Variants in ITPR2 observed in about 807,000 individuals in gnomAD.
ITPR2 encodes the protein inositol 1,4,5-trisphosphate receptor type 2.
Under a neutral mutation model 317.1 loss-of-function variants are expected in ITPR2, and 207 were observed. That is an observed-to-expected ratio of 0.65 (90% confidence interval 0.58 to 0.73). The LOEUF (loss-of-function observed/expected upper bound fraction) is 0.73, where lower values mean the gene tolerates loss of function less well. Among genes scored for constraint, ITPR2 ranks in the 30% least tolerant of loss-of-function variants. ITPR2 has a pLI of 0.00. For synonymous variants in ITPR2, 1,156 were observed against 1,149.1 expected, an observed-to-expected ratio of 1.01 and a Z score of -0.12; for missense variants, 2,613 against 3,284.0, an observed-to-expected ratio of 0.80 and a Z score of 4.99.
chr12:26,453,729 C>A (rs901996673), intron 45 of ITPR2, among the ~76,000 whole-genome samples: 9 of 152,338 alleles, frequency 5.9e-5, no homozygotes, highest in African/African-American at 2.2e-4. Context: ...CTTCTTCCAG[C>A]ATCCAGAAAT....
At chr12:26,390,246 T>A (rs1350291450) in intron 54 of ITPR2, among the ~76,000 whole-genome samples, 2 of 152,188 alleles carry the variant, frequency 1.3e-5, no homozygotes, top group African/African-American at 2.4e-5. Context: ...TAACTAAGCA[T>A]AACCCACTCC....
At chr12:26,443,324 AAT>A in intron 46 of ITPR2, among the ~76,000 whole-genome samples, 1 of 151,658 alleles carries the variant, frequency 6.6e-6, no homozygotes, top group South Asian at 2.1e-4. Flanking sequence ...TACAAAAAAA[AAT>A]TTTACATATA....
At chr12:26,826,026 A>C (rs768517305) in intron 1 of ITPR2, among the ~76,000 whole-genome samples, 2 of 152,212 alleles carry the variant, frequency 1.3e-5, no homozygotes, top group Non-Finnish European at 2.9e-5. Context: ...TTCTGTTTGG[A>C]AGATACTAAA....
chr12:26,604,926 A>G (rs568009910), intron 26 of ITPR2, among the ~76,000 whole-genome samples: 4 of 151,910 alleles, frequency 2.6e-5, no homozygotes, highest in South Asian at 4.2e-4. Flanking sequence ...CATCTCTACT[A>G]AAAATACAAA....
At chr12:26,702,406 G>C (rs1380371931) in intron 9 of ITPR2, among the ~76,000 whole-genome samples, 18 of 100,108 alleles carry the variant, frequency 1.8e-4, no homozygotes, top group African/African-American at 6.4e-4. Flanking sequence ...TGGGGGCGGG[G>C]GTGGGGGGTT....
At chr12:26,608,384 T>G (rs1229853919) in intron 26 of ITPR2, among the ~76,000 whole-genome samples, 1 of 152,202 alleles carries the variant, frequency 6.6e-6, no homozygotes, top group Non-Finnish European at 1.5e-5. Context: ...AGGAACCTAG[T>G]GAGGAGCGCC....
intron 11 of ITPR2, 118 bp from the exon 12 acceptor site, chr12:26,682,791 T>G (rs1565689792): frequency 6.4e-6 from 4 of 622,304 alleles, no homozygotes; most frequent in African/African-American, 3.7e-5. Flanking sequence ...AGTAATTGAC[T>G]CAAGATCCCT....
At chr12:26,573,796 G>A (rs1269033053) in intron 34 of ITPR2, among the ~76,000 whole-genome samples, 1 of 152,174 alleles carries the variant, frequency 6.6e-6, no homozygotes, top group Non-Finnish European at 1.5e-5. Context: ...GAGATGGAGG[G>A]TGATGGGAAA....
chr12:26,350,338 G>A (rs375520336), intron 55 of ITPR2, among the ~76,000 whole-genome samples: 16 of 152,300 alleles, frequency 1.1e-4, no homozygotes, highest in East Asian at 3.9e-4. Context: ...CAGACCAGCG[G>A]GGGAGTTGGT....
chr12:26,603,221 G>A (rs890864128), intron 26 of ITPR2, among the ~76,000 whole-genome samples: 26 of 151,974 alleles, frequency 1.7e-4, no homozygotes, highest in African/African-American at 3.6e-4. Context: ...TAAGAGTCAC[G>A]ACTCCGGGCC....
chr12:26,661,324 G>T (rs2136916089), intron 15 of ITPR2, among the ~76,000 whole-genome samples: 1 of 149,300 alleles, frequency 6.7e-6, no homozygotes, highest in South Asian at 2.2e-4. Context: ...GCGCACACGT[G>T]TGTGTGTTTG....
intron 55 of ITPR2, among the ~76,000 whole-genome samples, chr12:26,348,064 G>A (rs1228655256): frequency 1.3e-5 from 2 of 152,114 alleles, no homozygotes. Flanking sequence ...TGTTTATACT[G>A]CATTTTCCAT....
At chr12:26,383,429 C>G (rs888092369) in intron 55 of ITPR2, among the ~76,000 whole-genome samples, 1 of 151,938 alleles carries the variant, frequency 6.6e-6, no homozygotes, top group African/African-American at 2.4e-5. Context: ...AAAAAATATA[C>G]AGAGGGAGGA....
At chr12:26,741,260 G>A (rs1291045084) in intron 2 of ITPR2, among the ~76,000 whole-genome samples, 5 of 152,270 alleles carry the variant, frequency 3.3e-5, no homozygotes, top group Admixed American at 2.0e-4. Flanking sequence ...CTCAATGGCA[G>A]TGCCTTCATT....
chr12:26,737,403 G>C (rs1949143457), intron 2 of ITPR2, among the ~76,000 whole-genome samples: 1 of 151,928 alleles, frequency 6.6e-6, no homozygotes, highest in South Asian at 2.1e-4. Context: ...TTACAGGCAC[G>C]CCCTACGACG....
intron 13 of ITPR2, among the ~76,000 whole-genome samples, chr12:26,681,503 A>C (rs1380363104): frequency 1.3e-5 from 2 of 152,278 alleles, no homozygotes; most frequent in Admixed American, 6.5e-5. Flanking sequence ...CATCTTGAAT[A>C]AATAAGATCA....
At chr12:26,766,588 G>A (rs1949724130) in intron 2 of ITPR2, among the ~76,000 whole-genome samples, 1 of 152,002 alleles carries the variant, frequency 6.6e-6, no homozygotes, top group South Asian at 2.1e-4. Context: ...CTTTCTTGAT[G>A]GTGTCCTTTG....
At chr12:26,442,246 C>G (rs1458778017) in intron 46 of ITPR2, among the ~76,000 whole-genome samples, 3 of 152,166 alleles carry the variant, frequency 2.0e-5, no homozygotes, top group Non-Finnish European at 4.4e-5. Flanking sequence ...GCAACCTTCT[C>G]AGTGAAATCT....
intron 52 of ITPR2, among the ~76,000 whole-genome samples, chr12:26,409,923 T>C (rs1940486562): frequency 6.6e-6 from 1 of 152,174 alleles, no homozygotes; most frequent in Non-Finnish European, 1.5e-5. Context: ...GGGCTTCTAT[T>C]TGAAATCCCA....
Sources: gnomAD v4.1 joint callset for allele counts (sites outside exome capture counted in the v4.1 genomes callset) on GRCh38, gnomAD v4.1.1 for gene constraint, MANE v1.5 for transcripts, NCBI Gene and HGNC (gene_info 2026-07-23, HGNC 2026-07-21) for gene names.